Variants in OR1F1 observed in about 807,000 individuals in gnomAD.
OR1F1 encodes olfactory receptor 1F1.
For synonymous variants in OR1F1, 184 were observed against 156.7 expected, an observed-to-expected ratio of 1.17 and a Z score of -1.30; for missense variants, 493 against 376.3, an observed-to-expected ratio of 1.31 and a Z score of -2.57.
exon 1 of OR1F1, chr16:3,204,493 G>A: frequency 6.2e-7 from 1 of 1,614,096 alleles, no homozygotes; most frequent in Non-Finnish European, 8.5e-7. Context: ...CAAGATGCTG[G>A]CCAATCACAT....
At chr16:3,201,261 T>TG, upstream of OR1F1, among the ~76,000 whole-genome samples, 1 of 152,256 alleles carries the variant, frequency 6.6e-6, no homozygotes, top group Non-Finnish European at 1.5e-5. Flanking sequence ...TTTTGGCCAT[T>TG]GTGACTAATG....
the OR1F1 span, among the ~76,000 whole-genome samples, chr16:3,192,035 C>A: frequency 2.6e-5 from 4 of 152,082 alleles, no homozygotes; most frequent in Non-Finnish European, 4.4e-5. Context: ...TGCGAGAGGT[C>A]CCGGGTTCAA....
At chr16:3,199,842 C>G (rs1004632367), upstream of OR1F1, among the ~76,000 whole-genome samples, 12 of 151,688 alleles carry the variant, frequency 7.9e-5, no homozygotes, top group African/African-American at 2.9e-4. Context: ...ATGGAGAAAC[C>G]CCGTCTCTAC....
At chr16:3,191,990 G>C in the OR1F1 span, among the ~76,000 whole-genome samples, 11 of 152,318 alleles carry the variant, frequency 7.2e-5, no homozygotes, top group African/African-American at 2.4e-4. Context: ...TGCTGCTGTG[G>C]CTCGTTGGTC....
the OR1F1 span, among the ~76,000 whole-genome samples, chr16:3,193,559 G>A: frequency 2.0e-5 from 3 of 152,168 alleles, no homozygotes; most frequent in African/African-American, 7.2e-5. Flanking sequence ...TGGCGTCCCC[G>A]GCGACCCGAA....
chr16:3,202,317 CA>C (rs1423274294), upstream of OR1F1, among the ~76,000 whole-genome samples: 1 of 152,162 alleles, frequency 6.6e-6, no homozygotes, highest in African/African-American at 2.4e-5. Flanking sequence ...TAGAGAAATA[CA>C]GGGTCTTGAT....
exon 1 of OR1F1, chr16:3,204,686 G>A (rs776552757): frequency 2.5e-6 from 4 of 1,614,110 alleles, no homozygotes; most frequent in South Asian, 1.1e-5. Flanking sequence ...CTGGTTGCTG[G>A]ATTATGGGTG....
upstream of OR1F1, among the ~76,000 whole-genome samples, chr16:3,203,949 GAACTGTGGGGAACACA>G (rs936366267): frequency 3.9e-5 from 6 of 152,082 alleles, no homozygotes; most frequent in African/African-American, 1.2e-4. Context: ...CTGACATCCT[GAACTGTGGGGAACACA>G]AACTGACTGA....
chr16:3,189,683 G>C, the OR1F1 span: 3 of 151,838 alleles, frequency 2.0e-5, no homozygotes, highest in Admixed American at 6.7e-5. Context: ...GAGAGGTCCC[G>C]GGTTCAAATC....
upstream of OR1F1, among the ~76,000 whole-genome samples, chr16:3,203,903 A>T (rs1958166440): frequency 6.6e-6 from 1 of 152,198 alleles, no homozygotes; most frequent in Non-Finnish European, 1.5e-5. Flanking sequence ...AGTCCCTTGC[A>T]ATCACCCAGT....
At chr16:3,196,132 A>T in the OR1F1 span, among the ~76,000 whole-genome samples, 2 of 152,338 alleles carry the variant, frequency 1.3e-5, no homozygotes, top group East Asian at 1.9e-4. Context: ...ACACTCCATT[A>T]TCAGAAAACC....
upstream of OR1F1, among the ~76,000 whole-genome samples, chr16:3,203,932 C>A (rs553130429): frequency 6.6e-6 from 1 of 152,142 alleles, no homozygotes; most frequent in African/African-American, 2.4e-5. Context: ...GCCTCTGTCC[C>A]GTCTGTCTGA....
the OR1F1 span, among the ~76,000 whole-genome samples, chr16:3,194,247 A>G: frequency 2.0e-5 from 3 of 152,188 alleles, no homozygotes; most frequent in Admixed American, 2.0e-4. Flanking sequence ...TCAAAGTGGG[A>G]AAATGTTGGA....
the OR1F1 span, among the ~76,000 whole-genome samples, chr16:3,192,000 C>G: frequency 2.8e-4 from 43 of 152,280 alleles, no homozygotes; most frequent in South Asian, 2.1e-4. Flanking sequence ...GCTCGTTGGT[C>G]TAGGGGTATG....
At chr16:3,198,242 T>C in the OR1F1 span, among the ~76,000 whole-genome samples, 1 of 151,330 alleles carries the variant, frequency 6.6e-6, no homozygotes, top group African/African-American at 2.4e-5. Context: ...GCAGGGTGAG[T>C]TGGCAAACTG....
downstream of OR1F1, among the ~76,000 whole-genome samples, chr16:3,205,350 C>G (rs953148485): frequency 7.2e-5 from 11 of 152,170 alleles, no homozygotes; most frequent in African/African-American, 2.7e-4. Flanking sequence ...GGGTCATGCT[C>G]TGTCACCCAG....
At position 3,204,670 on chromosome 16, in the gene OR1F1, GC is replaced by G; in HGVS notation, c.427del (p.Leu143CysfsTer12). 1 of 1,614,152 alleles carries G rather than the reference GC, an allele frequency of 6.2e-7. No individual in the cohort carries two copies. The highest frequency in any genetic ancestry group is 8.5e-7 in the Non-Finnish European group (1 of 1,180,034). On this transcript the variant is annotated frameshift_variant, in exon 1 of 1. Transcript: ENST00000304646. LOFTEE classifies it low-confidence loss of function (END_TRUNC). ...AGCAAAGATGACCCATCAGCTCTGT[GC>G]CCTGCTGGTTGCTGGATTATGGGTG...
downstream of OR1F1, among the ~76,000 whole-genome samples, chr16:3,205,824 C>T (rs537434925): frequency 5.9e-5 from 9 of 152,254 alleles, no homozygotes; most frequent in African/African-American, 2.2e-4. Context: ...ACCTCAGGAC[C>T]ACTGTGATAA....
At chr16:3,193,998 A>C in the OR1F1 span, among the ~76,000 whole-genome samples, 1 of 152,178 alleles carries the variant, frequency 6.6e-6, no homozygotes, top group Admixed American at 6.5e-5. Flanking sequence ...GTAAGACAAC[A>C]CCGACCGTAG....
Sources: allele counts gnomAD v4.1 joint callset (sites outside exome capture counted in the v4.1 genomes callset), GRCh38; gene constraint gnomAD v4.1.1; transcripts MANE v1.5; gene names NCBI Gene and HGNC (gene_info 2026-07-23, HGNC 2026-07-21).